RRBP1: variants seen among roughly 807,000 people sequenced by gnomAD.
RRBP1 encodes the protein ribosome-binding protein 1.
A neutral mutation model predicts 165.2 loss-of-function variants in RRBP1; 94 were observed. The observed-to-expected ratio is 0.57, with a 90% CI of 0.48 to 0.68. RRBP1 has a LOEUF of 0.68. Ranked by LOEUF, RRBP1 falls within the 30% of genes least tolerant of loss-of-function variation. The pLI, the probability that RRBP1 is intolerant of heterozygous loss-of-function variation, is 0.00. For missense variants in RRBP1, 1,676 were observed against 1,763.0 expected (o/e 0.95, Z 0.88); for synonymous variants, 680 against 714.5 (o/e 0.95, Z 0.77).
chr20:17,622,592 G>A (rs73898359), intron 13 of RRBP1, among the ~76,000 whole-genome samples: 2,797 of 152,044 alleles, frequency 0.018, 92 homozygotes, highest in African/African-American at 0.065. Context: ...TGCCATGCTG[G>A]GTCGGACACC....
chr20:17,676,169 A>G (rs913986360), intron 2 of RRBP1, among the ~76,000 whole-genome samples: 2 of 152,222 alleles, frequency 1.3e-5, no homozygotes, highest in South Asian at 4.1e-4. Context: ...TGATTGCGCC[A>G]CTGTACTCCA....
intron 3 of RRBP1, among the ~76,000 whole-genome samples, chr20:17,655,714 C>T (rs895004827): frequency 6.6e-6 from 1 of 152,224 alleles, no homozygotes; most frequent in African/African-American, 2.4e-5. Flanking sequence ...CCCTTTGAGG[C>T]TCTTGATACA....
At chr20:17,626,549 T>G (rs1208335627) in intron 11 of RRBP1, among the ~76,000 whole-genome samples, 14 of 152,160 alleles carry the variant, frequency 9.2e-5, no homozygotes, top group Admixed American at 9.2e-4. Context: ...ACAAGGGAAC[T>G]TTGTGAACTG....
At chr20:17,667,960 C>G (rs377201742) in intron 2 of RRBP1, among the ~76,000 whole-genome samples, 18 of 152,196 alleles carry the variant, frequency 1.2e-4, no homozygotes, top group East Asian at 7.7e-4. Flanking sequence ...CACTTGTCTT[C>G]CGGCATTTTC....
At chr20:17,667,646 C>A (rs942804854) in intron 2 of RRBP1, among the ~76,000 whole-genome samples, 3 of 152,188 alleles carry the variant, frequency 2.0e-5, no homozygotes, top group Admixed American at 1.3e-4. Context: ...GCTGCCCTTC[C>A]CCATGACATG....
chr20:17,671,197 G>T, intron 2 of RRBP1, among the ~76,000 whole-genome samples: 1 of 152,050 alleles, frequency 6.6e-6, no homozygotes, highest in East Asian at 1.9e-4. Context: ...TTCCTCATAG[G>T]TATTTTCAAT....
chr20:17,644,513 C>G (rs576350040), intron 3 of RRBP1, among the ~76,000 whole-genome samples: 1 of 152,352 alleles, frequency 6.6e-6, no homozygotes, highest in African/African-American at 2.4e-5. Flanking sequence ...TCCCCCTCAG[C>G]CTGCAGGTGC....
intron 2 of RRBP1, among the ~76,000 whole-genome samples, chr20:17,666,541 A>C (rs2036873067): frequency 6.6e-6 from 1 of 152,240 alleles, no homozygotes; most frequent in Admixed American, 6.5e-5. Context: ...GTTCTTGTCA[A>C]ATCTAGGAGT....
chr20:17,625,013 T>C (rs2122278489), intron 12 of RRBP1, among the ~76,000 whole-genome samples: 1 of 152,288 alleles, frequency 6.6e-6, no homozygotes, highest in South Asian at 2.1e-4. Context: ...GGGCCAGCTC[T>C]GGCAGAGCCT....
At chr20:17,681,877 G>A (rs1172535110) in intron 1 of RRBP1, among the ~76,000 whole-genome samples, 151 bp downstream of exon 1, 1 of 148,342 alleles carries the variant, frequency 6.7e-6, no homozygotes, top group Non-Finnish European at 1.5e-5. Context: ...CCCCGATGGT[G>A]CACGGCCGCG....
Position 17,658,701 on chromosome 20 carries a change from C to G in RRBP1, c.1807G>C (p.Ala603Pro), listed in dbSNP as rs1345822269. The change falls in exon 3 of 25, where the codon GCT becomes CCT. Residue 603 changes from alanine to proline, a missense_variant. By Grantham distance (27) the Ala-to-Pro change is conservative. This residue lies in a region of RRBP1 where 1,184 missense variants were observed against 1,167.1 expected (regional missense o/e 1.01). Coordinates refer to ENST00000377813, the MANE Select transcript of RRBP1 (RefSeq NM_001365613.2). ...AANQGKKTES[A>P]SVQGRNTDVA... ...TCTGTATTTCTGCCCTGGACAGAAGCTGACTCTGTCTTTTTACCCTGATTG... is the reference window on the plus strand; with the variant it reads ...TCTGTATTTCTGCCCTGGACAGAAGGTGACTCTGTCTTTTTACCCTGATTG... The G allele has an allele frequency of 1.2e-6, 2 of 1,614,272 alleles. No homozygotes were observed. Among genetic ancestry groups the G allele is most frequent in the South Asian group, 1.1e-5 (1 of 91,090 alleles).
intron 13 of RRBP1, among the ~76,000 whole-genome samples, chr20:17,622,392 T>C (rs2035933081): frequency 6.6e-6 from 1 of 151,962 alleles, no homozygotes; most frequent in Non-Finnish European, 1.5e-5. Flanking sequence ...AATCTAGAGC[T>C]GTGATGGGGA....
chr20:17,626,315 C>T (rs2036019073), intron 11 of RRBP1, among the ~76,000 whole-genome samples: 1 of 152,228 alleles, frequency 6.6e-6, no homozygotes, highest in African/African-American at 2.4e-5. Flanking sequence ...ACCTCTCTAC[C>T]CCAACAAACA....
At chr20:17,622,543 G>A (rs1304862047) in intron 13 of RRBP1, among the ~76,000 whole-genome samples, 1 of 152,130 alleles carries the variant, frequency 6.6e-6, no homozygotes, top group Non-Finnish European at 1.5e-5. Flanking sequence ...TCTGCAGAGG[G>A]AGAAGCCCAC....
intron 1 of RRBP1, 117 bp from the exon 2 acceptor site, chr20:17,680,192 T>G (rs905920110): frequency 2.6e-5 from 4 of 152,154 alleles, no homozygotes; most frequent in African/African-American, 9.7e-5. Context: ...TCTCTAGGTG[T>G]CGGATTAACA....
intron 22 of RRBP1, 147 bp from the exon 23 acceptor site, chr20:17,615,676 G>T: frequency 1.5e-6 from 1 of 667,018 alleles, no homozygotes; most frequent in Non-Finnish European, 2.5e-6. Flanking sequence ...GAGTGGGCCA[G>T]ACCCACAAGT....
Position 17,621,964 on chromosome 20 carries a change from G to A in RRBP1, c.3148-17C>T. 6.3e-7 allele frequency: 1 copy of A among 1,586,324 alleles called. No homozygotes were observed. Among genetic ancestry groups the A allele is most frequent in the Non-Finnish European group, 8.6e-7 (1 of 1,156,182 alleles). On this transcript the variant is annotated splice_polypyrimidine_tract_variant and intron_variant, in intron 13 of 24. Transcript: ENST00000377813. ...CGATTCCTCCTGGGGGGTGGGTGGG[G>A]AAGAGCGGAAGGTGTTCAGCTGTGG...
intron 2 of RRBP1, among the ~76,000 whole-genome samples, chr20:17,678,175 C>G (rs567844950): frequency 6.6e-6 from 1 of 152,326 alleles, no homozygotes; most frequent in East Asian, 1.9e-4. Context: ...ATTTGTCTGC[C>G]TAAGAAAAGT....
In RRBP1 at chr20:17,660,032, G is replaced by T; in HGVS notation, c.476C>A (p.Ser159Tyr). 6.2e-7 allele frequency: 1 copy of T among 1,613,386 alleles called. No individual in the cohort carries two copies. The highest frequency in any genetic ancestry group is 8.5e-7 in the Non-Finnish European group (1 of 1,179,690). ...VEPAVSSVVN[S>Y]IQVLTSKAAI... is the part of the protein sequence containing the mutation. ...AGCCTTCGAAGTGAGAACCTGGATG[G>T]AATTCACTACAGAGCTGACAGCTGG... Residue 159 changes from serine (S) to tyrosine (Y), a missense_variant, in exon 3 of 25, where the codon TCC becomes TAC. By Grantham distance (144) the Ser-to-Tyr change is moderately radical. Around this residue, in one of 5 missense-constraint regions of RRBP1, gnomAD observed 392 missense variants for 382.5 expected, o/e 1.02. Coordinates refer to ENST00000377813, the MANE Select transcript of RRBP1 (RefSeq NM_001365613.2).
Sources: allele counts gnomAD v4.1 joint callset (sites outside exome capture counted in the v4.1 genomes callset), GRCh38; gene constraint gnomAD v4.1.1; regional missense constraint gnomAD v4.1.1; transcripts MANE v1.5; gene names NCBI Gene and HGNC (gene_info 2026-07-23, HGNC 2026-07-21).